The following GAS2 variants were observed in gnomAD, a reference collection of about 807,000 sequenced individuals.
GAS2 encodes growth arrest specific 2.
In GAS2, 20 loss-of-function variants were observed where a neutral mutation model predicts 37.5. The observed-to-expected ratio is 0.53, with a 90% CI of 0.37 to 0.77. GAS2 has a LOEUF of 0.77. Ranked by LOEUF, GAS2 falls within the 30% of genes least tolerant of loss-of-function variation. GAS2 has a pLI of 0.00. For missense variants in GAS2, 336 were observed against 373.4 expected (o/e 0.90, Z 0.82); for synonymous variants, 144 against 132.2 (o/e 1.09, Z -0.61).
intron 3 of GAS2, among the ~76,000 whole-genome samples, chr11:22,699,862 A>G (rs1000568701): frequency 1.3e-5 from 2 of 152,154 alleles, no homozygotes; most frequent in Admixed American, 6.6e-5. Flanking sequence ...TTCAGCAAGA[A>G]AGAGCCTGAT....
intron 7 of GAS2, among the ~76,000 whole-genome samples, chr11:22,787,424 T>C (rs1855868617): frequency 6.6e-6 from 1 of 152,204 alleles, no homozygotes; most frequent in African/African-American, 2.4e-5. Flanking sequence ...CATACAATTA[T>C]ATGCGATATA....
chr11:22,726,179 C>T, intron 3 of GAS2, 113 bp from the exon 4 acceptor site: 1 of 1,033,032 alleles, frequency 9.7e-7, no homozygotes, highest in Non-Finnish European at 1.4e-6. Context: ...TCTTTGCAAA[C>T]CTACTTATTG....
intron 7 of GAS2, among the ~76,000 whole-genome samples, chr11:22,788,072 A>G (rs1197564677): frequency 6.6e-6 from 1 of 152,176 alleles, no homozygotes; most frequent in Non-Finnish European, 1.5e-5. Context: ...GTATTTAAGC[A>G]AGATATGCTG....
intron 3 of GAS2, among the ~76,000 whole-genome samples, chr11:22,693,436 T>C (rs1850349730): frequency 6.6e-6 from 1 of 152,202 alleles, no homozygotes; most frequent in African/African-American, 2.4e-5. Flanking sequence ...CTTTTTTTAC[T>C]GATTTTCATT....
At chr11:22,682,786 C>T (rs575628431) in intron 2 of GAS2, among the ~76,000 whole-genome samples, 12 of 142,182 alleles carry the variant, frequency 8.4e-5, no homozygotes, top group Admixed American at 2.3e-4. Flanking sequence ...GCAGAGGTTG[C>T]AGTGAGCCAA....
chr11:22,751,268 G>A (rs768895747), intron 6 of GAS2, among the ~76,000 whole-genome samples: 1 of 151,886 alleles, frequency 6.6e-6, no homozygotes, highest in Non-Finnish European at 1.5e-5. Context: ...CTACTCACCT[G>A]TTACACTACT....
At chr11:22,706,748 G>A (rs1851142754) in intron 3 of GAS2, among the ~76,000 whole-genome samples, 1 of 152,110 alleles carries the variant, frequency 6.6e-6, no homozygotes, top group Non-Finnish European at 1.5e-5. Context: ...TGGACATTTG[G>A]GTTGGTTCCA....
At chr11:22,654,721 T>C (rs949846847) in intron 1 of GAS2, among the ~76,000 whole-genome samples, 1 of 152,162 alleles carries the variant, frequency 6.6e-6, no homozygotes, top group Non-Finnish European at 1.5e-5. Context: ...TGAAATGACA[T>C]GCAAGAACTC....
chr11:22,642,866 T>A (rs1848645610), intron 1 of GAS2, among the ~76,000 whole-genome samples: 1 of 152,194 alleles, frequency 6.6e-6, no homozygotes, highest in South Asian at 2.1e-4. Flanking sequence ...TGTAGTTGGG[T>A]TCAAACTCAG....
chr11:22,798,523 G>T (rs146435744), intron 7 of GAS2, among the ~76,000 whole-genome samples: 1 of 152,026 alleles, frequency 6.6e-6, no homozygotes, highest in Admixed American at 6.6e-5. Flanking sequence ...TCTAAGAAAA[G>T]GGTATAATAA....
rs373531988 is a variant in GAS2, at chr11:22,792,010, G to A, written c.724-19788G>A. On this transcript the variant is annotated intron_variant, in intron 7 of 7. Transcript: ENST00000454584. ...AAAACTCATAGTTTCTCACTGACAT[G>A]AAGTGATATGGATATGCAGGTAAGA... Among the ~76,000 whole-genome samples the A allele has an allele frequency of 1.2e-4, 18 of 152,334 alleles. No individual in the cohort carries two copies. In the East Asian group the frequency reaches 3.5e-3, roughly 29 times the overall value.
At position 22,683,100 on chromosome 11, in the gene GAS2, T is replaced by C. The variant is rs61889443; in HGVS notation, c.146-2568T>C. Among the ~76,000 whole-genome samples the C allele has an allele frequency of 3.2e-3, 484 of 152,134 alleles. 4 individuals carry two copies. The highest frequency in any genetic ancestry group is 3.9e-3 in the Non-Finnish European group (264 of 68,002). The stretch of plus-strand genomic sequence containing the variant: ...CCACCTGCAGAAGTCATTATTTTAA[T>C]TGGGGGCTAAAATATGAACTACTTA... On this transcript the variant is annotated intron_variant, in intron 2 of 7. Transcript: ENST00000454584.
Position 22,777,828 on chromosome 11 carries a change from T to C in GAS2, c.723+21875T>C, listed in dbSNP as rs568835909. 2.0e-5 allele frequency among the ~76,000 whole-genome samples: 3 copies of C among 152,326 alleles called. No individual in the cohort carries two copies. In the South Asian group the frequency reaches 6.2e-4, roughly 32 times the overall value. ...TTGGAGATACTGAGCAATAGCATGG[T>C]ACATTGAAGTTTAAGCCAATTAATC... On this transcript the variant is annotated intron_variant, in intron 7 of 7. Transcript: ENST00000454584.
chr11:22,640,559 C>T (rs1465609482), intron 1 of GAS2, among the ~76,000 whole-genome samples: 1 of 152,044 alleles, frequency 6.6e-6, no homozygotes, highest in Non-Finnish European at 1.5e-5. Context: ...ATAAAGAGAA[C>T]TTATTTAAAA....
At chr11:22,776,925 T>G (rs1433448235) in intron 7 of GAS2, among the ~76,000 whole-genome samples, 1 of 152,176 alleles carries the variant, frequency 6.6e-6, no homozygotes, top group East Asian at 1.9e-4. Flanking sequence ...GCCTCTCAGC[T>G]TGGCATTCTT....
At chr11:22,773,993 G>A (rs1385203330) in intron 7 of GAS2, among the ~76,000 whole-genome samples, 1 of 151,976 alleles carries the variant, frequency 6.6e-6, no homozygotes, top group Non-Finnish European at 1.5e-5. Context: ...AATTTTATGT[G>A]CAATTTTATT....
intron 1 of GAS2, among the ~76,000 whole-genome samples, chr11:22,659,716 T>A (rs1848894498): frequency 6.6e-6 from 1 of 152,182 alleles, no homozygotes; most frequent in Non-Finnish European, 1.5e-5. Flanking sequence ...AATTTTATTA[T>A]CACATTTTAA....
At chr11:22,662,908 A>T (rs1370308953), upstream of GAS2, among the ~76,000 whole-genome samples, 2 of 152,118 alleles carry the variant, frequency 1.3e-5, no homozygotes, top group Non-Finnish European at 2.9e-5. Flanking sequence ...AAAATAAAAA[A>T]TTAGCCACAG....
intron 3 of GAS2, among the ~76,000 whole-genome samples, chr11:22,692,723 T>C (rs1177943399): frequency 6.6e-6 from 1 of 152,168 alleles, no homozygotes; most frequent in African/African-American, 2.4e-5. Flanking sequence ...AGCCTAGTGA[T>C]TTTTGGGGAC....
Sources: allele counts gnomAD v4.1 joint callset (sites outside exome capture counted in the v4.1 genomes callset), GRCh38; gene constraint gnomAD v4.1.1; transcripts MANE v1.5; gene names NCBI Gene and HGNC (gene_info 2026-07-23, HGNC 2026-07-21).